Variants in SLC30A8 observed in about 807,000 individuals in gnomAD.
SLC30A8 encodes proton-coupled zinc antiporter SLC30A8.
In SLC30A8, 27 loss-of-function variants were observed where a neutral mutation model predicts 36.9. The ratio of observed to expected loss-of-function variants is 0.73; its 90% CI spans 0.54 to 1.01. SLC30A8 has a LOEUF of 1.01. SLC30A8 is among the 50% of genes least tolerant of loss of function. The pLI is 0.00. For missense variants in SLC30A8, 439 were observed against 452.0 expected (o/e 0.97, Z 0.26); for synonymous variants, 164 against 172.4 (o/e 0.95, Z 0.38).
At chr8:117,139,313 TTAATGTTCTTATAAGAAGAG>T (rs757662133) in intron 1 of SLC30A8, among the ~76,000 whole-genome samples, 28 of 152,154 alleles carry the variant, frequency 1.8e-4, no homozygotes, top group Admixed American at 3.3e-4. Context: ...TCTGACAGAA[TTAATGTTCTTATAAGAAGAG>T]ACTCCAGATA....
intron 1 of SLC30A8, among the ~76,000 whole-genome samples, chr8:117,021,597 G>A (rs928964530): frequency 1.3e-5 from 2 of 152,152 alleles, no homozygotes; most frequent in African/African-American, 2.4e-5. Flanking sequence ...GGCAGCGTCA[G>A]CAAAAACCCA....
At chr8:117,131,817 G>C (rs113592559), upstream of SLC30A8, among the ~76,000 whole-genome samples, 476 of 152,012 alleles carry the variant, frequency 3.1e-3, 1 homozygote, top group African/African-American at 0.011. Context: ...CATATTATCT[G>C]TTTTCCTCTT....
At chr8:117,067,640 CTG>C (rs907607296) in intron 2 of SLC30A8, among the ~76,000 whole-genome samples, 3 of 152,168 alleles carry the variant, frequency 2.0e-5, no homozygotes, top group Non-Finnish European at 4.4e-5. Context: ...ATGCAGATGT[CTG>C]TGAATGAGAT....
At chr8:117,154,824 A>T (rs1822391581) in intron 3 of SLC30A8, among the ~76,000 whole-genome samples, 1 of 152,096 alleles carries the variant, frequency 6.6e-6, no homozygotes, top group South Asian at 2.1e-4. Flanking sequence ...CAGAATTTAG[A>T]TCTCTGCTTG....
rs12547741 is a variant in SLC30A8 at position 117,136,444 on chromosome 8, G to A, written c.71+1046G>A. 8.2e-3 allele frequency among the ~76,000 whole-genome samples: 1,245 copies of A among 151,988 alleles called. 11 individuals carry two copies. Among genetic ancestry groups the A allele is most frequent in the Non-Finnish European group, 0.011 (742 of 67,886 alleles). On this transcript the variant is annotated intron_variant, in intron 1 of 7. Coordinates refer to ENST00000456015, the MANE Select transcript of SLC30A8 (RefSeq NM_173851.3). ...GAGAATACTTGCCCATTAATAATAC[G>A]TGTAATGTTCTTGTTTGTTTCACAA... is the stretch of plus-strand genomic sequence containing the variant.
chr8:117,154,002 T>G (rs1365050053), intron 3 of SLC30A8, among the ~76,000 whole-genome samples: 1 of 152,144 alleles, frequency 6.6e-6, no homozygotes, highest in Non-Finnish European at 1.5e-5. Flanking sequence ...AAAACAGACA[T>G]AAATAACTTA....
At chr8:117,031,305 G>A (rs141248645) in intron 1 of SLC30A8, among the ~76,000 whole-genome samples, 1 of 152,168 alleles carries the variant, frequency 6.6e-6, no homozygotes, top group Non-Finnish European at 1.5e-5. Context: ...CTGTTGTTTA[G>A]AGAGAAACAG....
intron 1 of SLC30A8, among the ~76,000 whole-genome samples, chr8:117,006,361 A>T (rs1816170827): frequency 6.6e-6 from 1 of 152,164 alleles, no homozygotes; most frequent in African/African-American, 2.4e-5. Flanking sequence ...CACAGTTGCA[A>T]GATGGAGTGT....
At chr8:117,106,072 C>T (rs771510658) in intron 2 of SLC30A8, among the ~76,000 whole-genome samples, 1 of 152,054 alleles carries the variant, frequency 6.6e-6, no homozygotes, top group East Asian at 1.9e-4. Context: ...CTCTCATTCT[C>T]TCACTTATTC....
intron 2 of SLC30A8, among the ~76,000 whole-genome samples, chr8:117,073,207 T>A (rs915880014): frequency 3.9e-5 from 6 of 152,172 alleles, no homozygotes; most frequent in African/African-American, 1.4e-4. Flanking sequence ...GAGCTTTTTG[T>A]TAGTAACATT....
At chr8:117,149,891 G>C (rs557077292) in intron 2 of SLC30A8, among the ~76,000 whole-genome samples, 1 of 152,266 alleles carries the variant, frequency 6.6e-6, no homozygotes, top group East Asian at 1.9e-4. Context: ...TGGGAAAACA[G>C]CCCTCCCATC....
intron 2 of SLC30A8, among the ~76,000 whole-genome samples, chr8:117,046,724 C>T (rs777581622): frequency 6.6e-6 from 1 of 152,204 alleles, no homozygotes; most frequent in Non-Finnish European, 1.5e-5. Flanking sequence ...CAAGATCTTT[C>T]TCTTTCTCTG....
intron 1 of SLC30A8, among the ~76,000 whole-genome samples, chr8:117,145,514 G>A (rs1027014345): frequency 2.0e-5 from 3 of 152,046 alleles, no homozygotes; most frequent in African/African-American, 7.2e-5. Context: ...ATGAAATGAA[G>A]TGAAAGCTAA....
chr8:117,084,041 C>T (rs1378303449), intron 2 of SLC30A8, among the ~76,000 whole-genome samples: 3 of 152,060 alleles, frequency 2.0e-5, no homozygotes, highest in African/African-American at 7.2e-5. Context: ...TTCAGTACTG[C>T]CCTAAAACTT....
chr8:117,146,945 C>T lies in SLC30A8; in HGVS notation c.72-9C>T, dbSNP rs1318074673. 6.2e-7 allele frequency: 1 copy of T among 1,613,594 alleles called. No homozygotes were observed. The highest frequency in any genetic ancestry group is 8.5e-7 in the Non-Finnish European group (1 of 1,179,840). On this transcript the variant is annotated splice_polypyrimidine_tract_variant and intron_variant, in intron 1 of 7. Transcript: ENST00000456015. ...GTTCACTTCTTGCTTCTGTCAAACT[C>T]ATCCATAGTGTGGAACTCCAACAGA...
chr8:116,963,263 A>C (rs1379116516), intron 1 of SLC30A8, among the ~76,000 whole-genome samples: 1 of 152,274 alleles, frequency 6.6e-6, no homozygotes, highest in East Asian at 1.9e-4. Flanking sequence ...GAAACCTGAT[A>C]ATTGAACTAA....
chr8:117,111,608 G>T (rs910873984), intron 2 of SLC30A8, among the ~76,000 whole-genome samples: 2 of 152,094 alleles, frequency 1.3e-5, no homozygotes, highest in Non-Finnish European at 2.9e-5. Context: ...TAATTAGAGT[G>T]CATTATGGGA....
chr8:117,151,519 T>G (rs550888489), intron 2 of SLC30A8, among the ~76,000 whole-genome samples: 9 of 152,352 alleles, frequency 5.9e-5, no homozygotes, highest in African/African-American at 2.2e-4. Context: ...CTCTGAAGGT[T>G]GCAAAATGGT....
intron 2 of SLC30A8, among the ~76,000 whole-genome samples, chr8:117,128,084 C>T (rs573927354): frequency 6.6e-6 from 1 of 152,082 alleles, no homozygotes; most frequent in African/African-American, 2.4e-5. Flanking sequence ...GAGAACGTGG[C>T]GATTGTTGGG....
Sources: allele counts gnomAD v4.1 joint callset (sites outside exome capture counted in the v4.1 genomes callset), GRCh38; gene constraint gnomAD v4.1.1; transcripts MANE v1.5; gene names NCBI Gene and HGNC (gene_info 2026-07-23, HGNC 2026-07-21).